VAV2: variants seen among roughly 807,000 people sequenced by gnomAD.
VAV2 encodes the protein vav guanine nucleotide exchange factor 2.
VAV2 carries 67 observed loss-of-function variants against 132.5 expected under a neutral mutation model. The ratio of observed to expected loss-of-function variants is 0.51; its 90% CI spans 0.42 to 0.62. VAV2 has a LOEUF of 0.62. Among genes scored for constraint, VAV2 ranks in the 20% least tolerant of loss-of-function variants. The probability of loss-of-function intolerance (pLI) is 0.00; values close to 1 mark genes in which losing one functional copy is unlikely to be tolerated. For missense variants in VAV2, 938 were observed against 1,153.6 expected (o/e 0.81, Z 2.71); for synonymous variants, 492 against 443.5 (o/e 1.11, Z -1.37).
chr9:133,939,237 A>C lies in VAV2; in HGVS notation c.205-18T>G. 6.2e-7 allele frequency: 1 copy of C among 1,605,158 alleles called. No individual in the cohort carries two copies. Reference sequence around the variant, plus strand: ...CACAGAAACTAAAGGGAAAAAACAAAGGGAGGGCAAGGAAAAACTTATTAA... The same window carrying C: ...CACAGAAACTAAAGGGAAAAAACAACGGGAGGGCAAGGAAAAACTTATTAA... On this transcript the variant is annotated intron_variant, in intron 1 of 29. Transcript: ENST00000371850.
intron 20 of VAV2, chr9:133,780,144 G>T: frequency 1.5e-6 from 1 of 645,488 alleles, no homozygotes. Flanking sequence ...TCCACTCCTG[G>T]AAGGTCTGTG....
At chr9:133,766,801 A>C (rs999461739) in intron 29 of VAV2, among the ~76,000 whole-genome samples, 1 of 138,872 alleles carries the variant, frequency 7.2e-6, no homozygotes, top group African/African-American at 2.7e-5. Flanking sequence ...AAAAACAAAA[A>C]AACAAAAACA....
At chr9:133,953,646 C>T (rs1274179539) in intron 1 of VAV2, among the ~76,000 whole-genome samples, 2 of 152,168 alleles carry the variant, frequency 1.3e-5, no homozygotes, top group Non-Finnish European at 2.9e-5. Flanking sequence ...TTCCCTCTGA[C>T]CACCATGGGG....
chr9:133,850,499 TAAAG>T (rs1837123802), intron 3 of VAV2, among the ~76,000 whole-genome samples: 1 of 151,958 alleles, frequency 6.6e-6, no homozygotes, highest in Non-Finnish European at 1.5e-5. Context: ...AACAAACAAA[TAAAG>T]AAACAAATGG....
rs147840120 is a variant in VAV2, at chr9:133,763,126, T to C, written c.*936A>G. ...TGGAACCAACCTCTCGTGCCAAGGC[T>C]GGGCAGACCCTCAGGGACCACCCTT... On this transcript the variant is annotated 3_prime_UTR_variant, in exon 30 of 30. Coordinates refer to ENST00000371850, the MANE Select transcript of VAV2 (RefSeq NM_001134398.2). The surrounding 1 kb of genome is among the most constrained non-coding windows in gnomAD (Gnocchi z 6.8). 1,114 of 152,672 alleles carry C rather than the reference T, an allele frequency of 7.3e-3. 24 individuals are homozygous for C. The highest frequency in any genetic ancestry group is 0.049 in the Admixed American group (752 of 15,296). 9.5% of individuals were successfully genotyped at this position (152,672 alleles called of 1,614,324 possible). A position where few individuals can be genotyped will look rare whatever the true frequency, so the allele number is the denominator to read the frequency against.
chr9:133,909,485 A>G (rs564974037), intron 2 of VAV2, among the ~76,000 whole-genome samples: 61 of 152,328 alleles, frequency 4.0e-4, no homozygotes, highest in South Asian at 2.3e-3. Context: ...CCATCCAGCT[A>G]TGGGCCCCAC....
chr9:133,787,316 G>C, intron 15 of VAV2, 56 bp from the exon 16 acceptor site: 1 of 1,518,746 alleles, frequency 6.6e-7, no homozygotes. Flanking sequence ...GGCTAAGCCC[G>C]GCCCTGTGGT....
intron 2 of VAV2, among the ~76,000 whole-genome samples, chr9:133,871,670 TC>T (rs758935654): frequency 6.6e-6 from 1 of 152,114 alleles, no homozygotes; most frequent in Non-Finnish European, 1.5e-5. Flanking sequence ...TGTACAAATG[TC>T]CTCCCTAATG....
At chr9:133,968,198 C>T (rs576496278) in intron 1 of VAV2, among the ~76,000 whole-genome samples, 6 of 152,150 alleles carry the variant, frequency 3.9e-5, no homozygotes, top group South Asian at 2.1e-4. Flanking sequence ...GAAGAGAGGA[C>T]GTGAAATGTT....
chr9:133,883,632 C>T lies in VAV2; in HGVS notation c.322-22200G>A, dbSNP rs982297610. ...AGCAGCAGGCAGGTTTCAGCTCGGC[C>T]GGAGCAGGCCCTCAGGCACTGGACC... On this transcript the variant is annotated intron_variant, in intron 2 of 29. Transcript: ENST00000371850. The surrounding 1 kb of genome is among the most constrained non-coding windows in gnomAD (Gnocchi z 4.2). Among the ~76,000 whole-genome samples the T allele has an allele frequency of 6.6e-6, 1 of 152,314 alleles. No homozygotes were observed. Among genetic ancestry groups the T allele is most frequent in the East Asian group, 1.9e-4 (1 of 5,182 alleles).
chr9:133,820,129 G>A (rs958651058), intron 4 of VAV2, among the ~76,000 whole-genome samples: 3 of 152,134 alleles, frequency 2.0e-5, no homozygotes, highest in Admixed American at 1.3e-4. Context: ...GGCAGCAGCT[G>A]CATCTGAATC....
chr9:133,767,619 C>T (rs1833479906), intron 29 of VAV2, among the ~76,000 whole-genome samples: 1 of 152,166 alleles, frequency 6.6e-6, no homozygotes, highest in South Asian at 2.1e-4. Context: ...TTCTATAGGG[C>T]AGTTGGGTAA....
chr9:133,895,472 G>A (rs574438545), intron 2 of VAV2, among the ~76,000 whole-genome samples: 253 of 152,300 alleles, frequency 1.7e-3, no homozygotes, highest in African/African-American at 5.9e-3. Context: ...GAGCCACTAT[G>A]GACTATCACG....
Position 133,788,414 on chromosome 9 carries a change from G to A in VAV2, c.1347C>T (p.Ile449=), listed in dbSNP as rs753200897. The A allele has an allele frequency of 6.2e-7, 1 of 1,612,348 alleles. No homozygotes were observed. The highest frequency in any genetic ancestry group is 1.7e-5 in the Admixed American group (1 of 60,004). ...RKGYSYELKE[I]IELLFHKMTD... The stretch of plus-strand genomic sequence containing the variant: ...TCATCTTGTGGAACAGCAGCTCGAT[G>A]ATCTCCTTGAGCTCGTAGCTGTAGC... The change falls in exon 15 of 30, where the codon ATC becomes ATT. Residue 449 remains isoleucine (I), a synonymous_variant. Transcript: ENST00000371850. This position sits in a 1 kb window ranked among gnomAD's most constrained non-coding sequence, Gnocchi z 5.3.
intron 4 of VAV2, among the ~76,000 whole-genome samples, chr9:133,820,329 C>CTT (rs1235525920): frequency 4.6e-5 from 6 of 131,490 alleles, no homozygotes; most frequent in Non-Finnish European, 7.7e-5. Context: ...TTTTCTTTTT[C>CTT]TTTTTTTTTT....
chr9:133,909,637 G>C (rs1424926374), intron 2 of VAV2, among the ~76,000 whole-genome samples: 2 of 126,210 alleles, frequency 1.6e-5, no homozygotes, highest in Non-Finnish European at 1.7e-5. Flanking sequence ...CAACATGAAC[G>C]CAGAGCTTGC....
intron 2 of VAV2, among the ~76,000 whole-genome samples, chr9:133,892,904 G>A (rs942813235): frequency 1.3e-5 from 2 of 152,192 alleles, no homozygotes; most frequent in East Asian, 1.9e-4. Context: ...CTCCATCCAC[G>A]GGGAACTTGC....
At position 133,992,177 on chromosome 9, in the gene VAV2, C is replaced by G. The variant is rs780689278; in HGVS notation, c.102G>C (p.Ala34=). 23 of 1,599,484 alleles carry G rather than the reference C, an allele frequency of 1.4e-5. No individual in the cohort carries two copies. The East Asian group carries it at 5.2e-4, about 36-fold the overall frequency. ...GAAGGACCCCGTCGCGCAGCGCCTG[C>G]GCCAGGTCGAAGACCACGGCCGAGG... The part of the protein sequence containing the change: ...VWPSAVVFDL[A]QALRDGVLLC... Residue 34 remains alanine, a synonymous_variant, in exon 1 of 30, where the codon GCG becomes GCC. Transcript: ENST00000371850. This position sits in a 1 kb window ranked among gnomAD's most constrained non-coding sequence, Gnocchi z 5.5.
intron 4 of VAV2, among the ~76,000 whole-genome samples, chr9:133,819,322 G>A (rs1358969554): frequency 6.6e-6 from 1 of 151,960 alleles, no homozygotes; most frequent in Non-Finnish European, 1.5e-5. Context: ...GGTGGCGGGT[G>A]CCTGTAGTCC....
Sources: gnomAD v4.1 joint callset for allele counts (sites outside exome capture counted in the v4.1 genomes callset) on GRCh38, gnomAD v4.1.1 for gene constraint, Gnocchi (gnomAD v3.1) non-coding constraint, MANE v1.5 for transcripts, NCBI Gene and HGNC (gene_info 2026-07-23, HGNC 2026-07-21) for gene names.